The following ATP6V0D2 variants were observed in gnomAD, a reference collection of about 807,000 sequenced individuals.
The protein encoded by ATP6V0D2 is ATPase H+ transporting V0 subunit d2, also known as V-type proton ATPase subunit d 2.
Under a neutral mutation model 40.0 loss-of-function variants are expected in ATP6V0D2, and 40 were observed. The observed-to-expected ratio is 1.00, with a 90% CI of 0.78 to 1.30. The LOEUF is 1.30. Ranked by LOEUF, ATP6V0D2 falls within the 50% of genes most tolerant of loss-of-function variation. ATP6V0D2 has a pLI of 0.00. For missense variants in ATP6V0D2, 470 were observed against 423.1 expected, an observed-to-expected ratio of 1.11 and a Z score of -0.97; for synonymous variants, 179 against 156.3, an observed-to-expected ratio of 1.15 and a Z score of -1.08.
At chr8:86,125,149 T>C (rs1818722991) in intron 2 of ATP6V0D2, among the ~76,000 whole-genome samples, 1 of 152,218 alleles carries the variant, frequency 6.6e-6, no homozygotes, top group East Asian at 1.9e-4. Context: ...CGTCTGAGGT[T>C]GAGGATGTTA....
intron 4 of ATP6V0D2, among the ~76,000 whole-genome samples, chr8:86,142,445 G>A (rs1177108786): frequency 6.6e-6 from 1 of 152,190 alleles, no homozygotes; most frequent in African/African-American, 2.4e-5. Context: ...AACTCAGGCA[G>A]TCTGACCCTA....
At chr8:86,140,812 A>G (rs1265113442) in intron 3 of ATP6V0D2, among the ~76,000 whole-genome samples, 2 of 152,144 alleles carry the variant, frequency 1.3e-5, no homozygotes, top group Non-Finnish European at 2.9e-5. Context: ...GGATGATTCA[A>G]ACACATTACA....
chr8:86,118,645 C>A (rs1175333515), intron 2 of ATP6V0D2, among the ~76,000 whole-genome samples: 1 of 151,976 alleles, frequency 6.6e-6, no homozygotes, highest in Non-Finnish European at 1.5e-5. Context: ...GTGCCTCCTG[C>A]AAAAATACCT....
In ATP6V0D2 at chr8:86,114,597, G is replaced by A. The variant is rs62511566; in HGVS notation, c.302+717G>A. Among the ~76,000 whole-genome samples the A allele has an allele frequency of 5.5e-4, 84 of 152,338 alleles. 1 individual carries two copies. The highest frequency in any genetic ancestry group is 9.1e-4 in the Non-Finnish European group (62 of 68,034). On this transcript the variant is annotated intron_variant, in intron 2 of 7. Coordinates refer to ENST00000285393, the MANE Select transcript of ATP6V0D2 (RefSeq NM_152565.1). ...AGGCAGAAGAATCGCTTAAAGCCGG[G>A]AGGCGGAGGTTGCAGTGAGGTGAGA...
chr8:86,132,258 T>A (rs1263042189), intron 2 of ATP6V0D2, among the ~76,000 whole-genome samples: 1 of 152,154 alleles, frequency 6.6e-6, no homozygotes, highest in Non-Finnish European at 1.5e-5. Flanking sequence ...AATTTTTTTT[T>A]TACAGTTATA....
At chr8:86,129,314 G>C (rs1210509874) in intron 2 of ATP6V0D2, among the ~76,000 whole-genome samples, 6 of 152,194 alleles carry the variant, frequency 3.9e-5, no homozygotes. Context: ...TTGATTTAGT[G>C]TGCACAGCGA....
At chr8:86,139,227 C>CA (rs35331724) in intron 2 of ATP6V0D2, among the ~76,000 whole-genome samples, 2,635 of 120,212 alleles carry the variant, frequency 0.022, 47 homozygotes, top group African/African-American at 0.051. Flanking sequence ...GACTTGGTCT[C>CA]AAAAAAAAAA....
chr8:86,128,994 AATG>A (rs2130257566), intron 2 of ATP6V0D2, among the ~76,000 whole-genome samples: 2 of 152,356 alleles, frequency 1.3e-5, no homozygotes, highest in South Asian at 4.1e-4. Context: ...AAACTTTTCA[AATG>A]TTTTACATTA....
intron 2 of ATP6V0D2, among the ~76,000 whole-genome samples, chr8:86,130,004 GAAAAGAA>G (rs1818800669): frequency 7.0e-6 from 1 of 143,518 alleles, no homozygotes; most frequent in Non-Finnish European, 1.5e-5. Context: ...AAAAAGAAAA[GAAAAGAA>G]AAAAGAAAAT....
chr8:86,122,638 T>C (rs552382803), intron 2 of ATP6V0D2, among the ~76,000 whole-genome samples: 1 of 152,196 alleles, frequency 6.6e-6, no homozygotes, highest in Admixed American at 6.5e-5. Flanking sequence ...AGTCCACAAA[T>C]GGTGTAAAAG....
chr8:86,143,737 G>C (rs142443691), intron 5 of ATP6V0D2, among the ~76,000 whole-genome samples: 1 of 152,092 alleles, frequency 6.6e-6, no homozygotes, highest in Non-Finnish European at 1.5e-5. Context: ...ATGCCTAACC[G>C]TCTAGGAATG....
At chr8:86,115,357 C>CTTTTTTTTTT (rs1586088786) in intron 2 of ATP6V0D2, among the ~76,000 whole-genome samples, 1 of 79,504 alleles carries the variant, frequency 1.3e-5, no homozygotes, top group African/African-American at 6.0e-5. Context: ...CCGTATCATC[C>CTTTTTTTTTT]ATTTTTTTTT....
rs571448836 is a variant in ATP6V0D2, at chr8:86,151,925, A to T, written c.891+385A>T. Among the ~76,000 whole-genome samples the T allele has an allele frequency of 3.0e-4, 46 of 151,198 alleles. 1 individual carries two copies. The East Asian group carries it at 6.8e-3, about 22-fold the overall frequency. The stretch of plus-strand genomic sequence containing the variant: ...CATATGAGATAATGTTTCTTTTTTA[A>T]AAAAAAAATTGTGTTATACTTTAAG... On this transcript the variant is annotated intron_variant, in intron 7 of 7. Transcript: ENST00000285393.
rs1451887295 is a variant in ATP6V0D2, at chr8:86,098,953, C to T, written c.-26C>T. On this transcript the variant is annotated 5_prime_UTR_variant, in exon 1 of 8. Coordinates refer to ENST00000285393, the MANE Select transcript of ATP6V0D2 (RefSeq NM_152565.1). ...TCCAGGACTACAGAGCTGTTTCACC[C>T]TACCTTGGCTTCAATCTCTTCCCCC... 9 of 1,610,328 alleles carry T rather than the reference C, an allele frequency of 5.6e-6. No individual in the cohort carries two copies. Among genetic ancestry groups the T allele is most frequent in the Non-Finnish European group, 7.6e-6 (9 of 1,178,450 alleles).
intron 2 of ATP6V0D2, among the ~76,000 whole-genome samples, chr8:86,117,307 A>G (rs1818603050): frequency 6.6e-6 from 1 of 152,072 alleles, no homozygotes; most frequent in African/African-American, 2.4e-5. Context: ...CTTTTCTTCT[A>G]TTTATTTGTT....
chr8:86,110,085 T>C (rs1383514290), intron 1 of ATP6V0D2, among the ~76,000 whole-genome samples: 1 of 152,134 alleles, frequency 6.6e-6, no homozygotes, highest in African/African-American at 2.4e-5. Flanking sequence ...ACATGATGTT[T>C]TATTTTATTT....
At chr8:86,115,363 T>G (rs1818580046) in intron 2 of ATP6V0D2, among the ~76,000 whole-genome samples, 1 of 36,804 alleles carries the variant, frequency 2.7e-5, no homozygotes, top group Non-Finnish European at 8.1e-5. Context: ...CATCCATTTT[T>G]TTTTTTTTTT....
intron 7 of ATP6V0D2, 50 bp from the exon 8 acceptor site, chr8:86,152,766 T>C: frequency 1.3e-6 from 2 of 1,533,788 alleles, no homozygotes; most frequent in Non-Finnish European, 1.8e-6. Flanking sequence ...TATTATTCCA[T>C]AATGTTCCAA....
At chr8:86,130,908 C>T (rs1028063999) in intron 2 of ATP6V0D2, among the ~76,000 whole-genome samples, 14 of 152,056 alleles carry the variant, frequency 9.2e-5, no homozygotes, top group African/African-American at 2.7e-4. Context: ...GGGTTTATCT[C>T]CGTCTCTGCT....
Sources: allele counts gnomAD v4.1 joint callset (sites outside exome capture counted in the v4.1 genomes callset), GRCh38; gene constraint gnomAD v4.1.1; transcripts MANE v1.5; gene names NCBI Gene and HGNC (gene_info 2026-07-23, HGNC 2026-07-21).